RASEF: variants seen among roughly 807,000 people sequenced by gnomAD.
RASEF encodes the protein RAS and EF-hand domain containing.
Under a neutral mutation model 90.1 loss-of-function variants are expected in RASEF, and 68 were observed. The observed-to-expected ratio is 0.75, with a 90% CI of 0.62 to 0.92. The LOEUF is 0.92. RASEF is among the 40% of genes least tolerant of loss of function. The pLI is 0.00. For synonymous variants in RASEF, 331 were observed against 345.2 expected (o/e 0.96, Z 0.46); for missense variants, 949 against 937.2 (o/e 1.01, Z -0.16).
intron 1 of RASEF, among the ~76,000 whole-genome samples, chr9:83,036,954 A>C (rs1024202584): frequency 6.6e-6 from 1 of 152,072 alleles, no homozygotes; most frequent in Non-Finnish European, 1.5e-5. Context: ...ATGGTGCCCT[A>C]AAGTGATACC....
chr9:83,077,230 G>A, the RASEF span, among the ~76,000 whole-genome samples: 1 of 152,118 alleles, frequency 6.6e-6, no homozygotes, highest in Non-Finnish European at 1.5e-5. Flanking sequence ...AGAGACATGA[G>A]TGGGCATAAT....
At chr9:83,071,409 GT>G in the RASEF span, among the ~76,000 whole-genome samples, 6 of 151,830 alleles carry the variant, frequency 4.0e-5, no homozygotes, top group African/African-American at 2.4e-5. Context: ...TTCTGTTTCT[GT>G]TTTTTTGTTT....
chr9:83,058,172 CTTTTTTTTTTTTTTTTT>C (rs555842009), intron 1 of RASEF, among the ~76,000 whole-genome samples: 2 of 57,888 alleles, frequency 3.5e-5, no homozygotes, highest in East Asian at 5.8e-4. Flanking sequence ...GTATTTATGT[CTTTTTTTTTTTTTTTTT>C]TTTTTTTTTT....
At chr9:82,992,856 GCCATTAAACC>G in intron 15 of RASEF, 40 bp downstream of exon 15, 1 of 1,587,296 alleles carries the variant, frequency 6.3e-7, no homozygotes, top group African/African-American at 1.4e-5. Flanking sequence ...CGACTTCAAA[GCCATTAAACC>G]CCATGTTCTC....
the RASEF span, among the ~76,000 whole-genome samples, chr9:83,137,151 A>C: frequency 6.6e-6 from 1 of 152,068 alleles, no homozygotes. Flanking sequence ...GCCTATATTA[A>C]ACAATTCTTC....
At chr9:83,175,238 T>A in the RASEF span, among the ~76,000 whole-genome samples, 18 of 152,208 alleles carry the variant, frequency 1.2e-4, no homozygotes, top group African/African-American at 4.1e-4. Context: ...ATAATAATTA[T>A]GAACTTTTCA....
At chr9:83,148,813 T>A in the RASEF span, among the ~76,000 whole-genome samples, 1 of 152,210 alleles carries the variant, frequency 6.6e-6, no homozygotes, top group African/African-American at 2.4e-5. Flanking sequence ...TACTGTCTCA[T>A]GGGGAGCTGG....
At chr9:83,063,707 A>G (rs907280862), upstream of RASEF, among the ~76,000 whole-genome samples, 16 of 152,218 alleles carry the variant, frequency 1.1e-4, no homozygotes, top group Non-Finnish European at 1.8e-4. Context: ...GGCAGACAGC[A>G]TTGTTTAAAC....
intron 13 of RASEF, 84 bp from the exon 14 acceptor site, chr9:82,997,210 T>A: frequency 2.4e-6 from 2 of 833,398 alleles, no homozygotes; most frequent in South Asian, 1.4e-5. Context: ...TCTCCTCTTC[T>A]AAAATCAACA....
At chr9:83,026,490 T>C (rs189883623) in intron 1 of RASEF, among the ~76,000 whole-genome samples, 95 of 151,134 alleles carry the variant, frequency 6.3e-4, no homozygotes, top group African/African-American at 2.3e-3. Context: ...GAGAGAAGAG[T>C]GAGGAGTGAA....
chr9:83,021,388 C>A (rs1393993143), intron 3 of RASEF, among the ~76,000 whole-genome samples: 1 of 152,122 alleles, frequency 6.6e-6, no homozygotes. Flanking sequence ...GTTAACAGGG[C>A]AAATTAATAA....
chr9:83,141,092 G>A, the RASEF span, among the ~76,000 whole-genome samples: 1 of 140,520 alleles, frequency 7.1e-6, no homozygotes, highest in South Asian at 2.2e-4. Flanking sequence ...GCAGTGAGCC[G>A]ATATCACACC....
chr9:83,082,237 A>G, the RASEF span, among the ~76,000 whole-genome samples: 1 of 152,158 alleles, frequency 6.6e-6, no homozygotes, highest in Non-Finnish European at 1.5e-5. Context: ...CTTCACATCA[A>G]CGTAATTAGA....
the RASEF span, among the ~76,000 whole-genome samples, chr9:83,216,543 C>G: frequency 1.3e-5 from 2 of 152,180 alleles, no homozygotes; most frequent in Non-Finnish European, 2.9e-5. Flanking sequence ...AAACCACTGC[C>G]TATATTTCAG....
At chr9:83,200,464 G>C in the RASEF span, among the ~76,000 whole-genome samples, 1 of 152,144 alleles carries the variant, frequency 6.6e-6, no homozygotes, top group African/African-American at 2.4e-5. Flanking sequence ...TAGAAGCCTT[G>C]CACTTGTTGC....
intron 9 of RASEF, among the ~76,000 whole-genome samples, chr9:83,002,363 AC>A (rs1460556952): frequency 1.3e-5 from 2 of 152,146 alleles, no homozygotes; most frequent in Non-Finnish European, 2.9e-5. Flanking sequence ...CTCTCTCAAT[AC>A]TGCTCAATTA....
At chr9:83,199,978 T>C in the RASEF span, among the ~76,000 whole-genome samples, 111 of 152,322 alleles carry the variant, frequency 7.3e-4, no homozygotes, top group Admixed American at 1.2e-3. Flanking sequence ...TCTGTTGGTA[T>C]GGAAAGACCT....
At chr9:83,093,275 G>A in the RASEF span, among the ~76,000 whole-genome samples, 1 of 152,234 alleles carries the variant, frequency 6.6e-6, no homozygotes, top group Non-Finnish European at 1.5e-5. Context: ...GGAGCTGCCT[G>A]CCAGTCCCTC....
At chr9:83,125,451 A>C in the RASEF span, among the ~76,000 whole-genome samples, 1 of 152,232 alleles carries the variant, frequency 6.6e-6, no homozygotes, top group Non-Finnish European at 1.5e-5. Flanking sequence ...TATGGCAATT[A>C]GTTATAGCAC....
Sources: gnomAD v4.1 joint callset for allele counts (sites outside exome capture counted in the v4.1 genomes callset) on GRCh38, gnomAD v4.1.1 for gene constraint, MANE v1.5 for transcripts, NCBI Gene and HGNC (gene_info 2026-07-23, HGNC 2026-07-21) for gene names.